The following CNTNAP2 variants were observed in gnomAD, a reference collection of about 807,000 sequenced individuals.
The protein encoded by CNTNAP2 is contactin associated protein 2.
A neutral mutation model predicts 155.2 loss-of-function variants in CNTNAP2; 98 were observed. The observed-to-expected ratio is 0.63, with a 90% CI of 0.54 to 0.75. The LOEUF is 0.75. Among genes scored for constraint, CNTNAP2 ranks in the 30% least tolerant of loss-of-function variants. The pLI, the probability that CNTNAP2 is intolerant of heterozygous loss-of-function variation, is 0.00. For missense variants in CNTNAP2, 1,727 were observed against 1,688.1 expected, an observed-to-expected ratio of 1.02 and a Z score of -0.40; for synonymous variants, 651 against 631.2, an observed-to-expected ratio of 1.03 and a Z score of -0.47.
intron 15 of CNTNAP2, among the ~76,000 whole-genome samples, chr7:148,051,377 G>A (rs536863698): frequency 1.4e-3 from 215 of 151,844 alleles, no homozygotes; most frequent in Non-Finnish European, 2.6e-3. Flanking sequence ...GTGGCCATCC[G>A]GAAGTTATGC....
intron 13 of CNTNAP2, among the ~76,000 whole-genome samples, chr7:147,708,965 G>C (rs1262592403): frequency 1.3e-5 from 2 of 152,060 alleles, no homozygotes; most frequent in African/African-American, 4.8e-5. Flanking sequence ...ATTAGATAAG[G>C]CCCAAGCTAA....
chr7:146,410,907 C>G (rs1250043410), intron 1 of CNTNAP2, among the ~76,000 whole-genome samples: 2 of 152,106 alleles, frequency 1.3e-5, no homozygotes, highest in African/African-American at 4.8e-5. Context: ...AACATAATGT[C>G]CTTCAGGTTT....
At chr7:147,156,287 C>T (rs1801925614) in intron 8 of CNTNAP2, among the ~76,000 whole-genome samples, 2 of 152,104 alleles carry the variant, frequency 1.3e-5, no homozygotes, top group South Asian at 4.1e-4. Context: ...TTTGGTATTA[C>T]ACAAATTGAT....
At chr7:147,696,903 C>T (rs1796169030) in intron 13 of CNTNAP2, among the ~76,000 whole-genome samples, 2 of 152,026 alleles carry the variant, frequency 1.3e-5, no homozygotes, top group Non-Finnish European at 2.9e-5. Context: ...TTTTCCCTCC[C>T]TCTGGCTTAT....
In CNTNAP2 at chr7:148,415,814, C is replaced by A; in HGVS notation, c.*198C>A. The A allele has an allele frequency of 3.1e-6, 2 of 637,352 alleles. No homozygotes were observed. The highest frequency in any genetic ancestry group is 5.4e-6 in the Non-Finnish European group (2 of 373,310). The allele number at this position is 637,352 out of a possible 1,614,324, so 39.5% of individuals were successfully genotyped here. A position where few individuals can be genotyped will look rare whatever the true frequency, so the allele number is the denominator to read the frequency against. On this transcript the variant is annotated 3_prime_UTR_variant, in exon 24 of 24. Transcript: ENST00000361727. ...AAACCTTTTTAATATTTCTTTATAG[C>A]TGAGTTTTCCCTTCTGTATCAAAAC...
chr7:148,247,961 T>G (rs1444774365), intron 20 of CNTNAP2, among the ~76,000 whole-genome samples: 1 of 151,948 alleles, frequency 6.6e-6, no homozygotes. Context: ...GCCTCTTTCT[T>G]CAGTCAACTT....
intron 21 of CNTNAP2, among the ~76,000 whole-genome samples, chr7:148,331,521 T>G (rs111219609): frequency 0.39 from 22,498 of 58,094 alleles, 5,442 homozygotes; most frequent in Middle Eastern, 0.41. Context: ...GATGGATGGA[T>G]GGAATGGATG....
chr7:148,133,128 C>G (rs1451625512), intron 16 of CNTNAP2, among the ~76,000 whole-genome samples: 2 of 151,818 alleles, frequency 1.3e-5, no homozygotes, highest in Non-Finnish European at 2.9e-5. Context: ...GCTGCTCTAC[C>G]CAGTAAAACC....
intron 4 of CNTNAP2, among the ~76,000 whole-genome samples, chr7:147,087,934 G>C (rs142447794): frequency 6.6e-6 from 1 of 152,174 alleles, no homozygotes; most frequent in Non-Finnish European, 1.5e-5. Context: ...CCGAGATTGT[G>C]CCACTGCACT....
intron 20 of CNTNAP2, among the ~76,000 whole-genome samples, chr7:148,259,278 C>T (rs931174988): frequency 6.8e-6 from 1 of 146,056 alleles, no homozygotes; most frequent in African/African-American, 2.5e-5. Context: ...ATCACTTGAG[C>T]CTGAGAAGTG....
At chr7:147,409,155 G>A (rs191799919) in intron 10 of CNTNAP2, among the ~76,000 whole-genome samples, 1 of 152,312 alleles carries the variant, frequency 6.6e-6, no homozygotes, top group African/African-American at 2.4e-5. Context: ...CTGGGATCTG[G>A]AAGATGGTGA....
chr7:146,354,974 G>A (rs1423141107), intron 1 of CNTNAP2, among the ~76,000 whole-genome samples: 1 of 152,226 alleles, frequency 6.6e-6, no homozygotes, highest in Non-Finnish European at 1.5e-5. Flanking sequence ...CTACTTGGCA[G>A]TGGTACAAGT....
At chr7:147,859,019 C>G (rs1422335703) in intron 13 of CNTNAP2, among the ~76,000 whole-genome samples, 2 of 152,112 alleles carry the variant, frequency 1.3e-5, no homozygotes, top group Non-Finnish European at 2.9e-5. Flanking sequence ...AAAGTTCTAT[C>G]CTTAAGCGAA....
intron 1 of CNTNAP2, among the ~76,000 whole-genome samples, chr7:146,546,403 A>G (rs1798030257): frequency 1.3e-5 from 2 of 151,964 alleles, no homozygotes; most frequent in Admixed American, 1.3e-4. Context: ...TAAATAATTT[A>G]GAAAATTTGA....
Position 146,483,983 on chromosome 7 carries a change from A to G in CNTNAP2, c.98-290288A>G, listed in dbSNP as rs146385805. Among the ~76,000 whole-genome samples the G allele has an allele frequency of 3.1e-4, 47 of 152,340 alleles. 1 individual carries two copies. The East Asian group carries it at 9.1e-3, about 29-fold the overall frequency. ...CCACCACCCACTCACTGACTCACCC[A>G]GAGCAACTTCTAGTCATGTAAGCTC... On this transcript the variant is annotated intron_variant, in intron 1 of 23. Transcript: ENST00000361727.
intron 1 of CNTNAP2, among the ~76,000 whole-genome samples, chr7:146,586,972 C>T (rs988480717): frequency 3.3e-5 from 5 of 151,604 alleles, no homozygotes; most frequent in East Asian, 1.9e-4. Context: ...AAGAATGACA[C>T]GATCATTCTT....
chr7:148,149,481 G>T (rs967121901), intron 17 of CNTNAP2, among the ~76,000 whole-genome samples: 2 of 152,098 alleles, frequency 1.3e-5, no homozygotes, highest in Non-Finnish European at 1.5e-5. Context: ...AAGAGGAGGA[G>T]GATTTGATTA....
At chr7:147,623,987 A>G (rs962101739) in intron 12 of CNTNAP2, among the ~76,000 whole-genome samples, 3 of 152,308 alleles carry the variant, frequency 2.0e-5, no homozygotes, top group East Asian at 3.9e-4. Flanking sequence ...CATTTTGACA[A>G]AGGTGCCAAG....
intron 22 of CNTNAP2, among the ~76,000 whole-genome samples, chr7:148,395,743 C>T (rs1219071553): frequency 6.6e-6 from 1 of 152,098 alleles, no homozygotes; most frequent in Non-Finnish European, 1.5e-5. Flanking sequence ...CAGGCCTGGC[C>T]GTGTCAGGGG....
Sources: allele counts gnomAD v4.1 joint callset (sites outside exome capture counted in the v4.1 genomes callset), GRCh38; gene constraint gnomAD v4.1.1; transcripts MANE v1.5; gene names NCBI Gene and HGNC (gene_info 2026-07-23, HGNC 2026-07-21).